The following LRBA variants were observed in gnomAD, a reference collection of about 807,000 sequenced individuals.
LRBA encodes the protein lipopolysaccharide-responsive and beige-like anchor protein.
LRBA carries 176 observed loss-of-function variants against 330.0 expected under a neutral mutation model. That is an observed-to-expected ratio of 0.53 (90% CI 0.47 to 0.60). The LOEUF (loss-of-function observed/expected upper bound fraction) is 0.60. Ranked by LOEUF, LRBA falls within the 20% of genes least tolerant of loss-of-function variation. The probability of loss-of-function intolerance (pLI) is 0.00; values close to 1 mark genes in which losing one functional copy is unlikely to be tolerated. For missense variants in LRBA, 3,259 were observed against 3,444.8 expected (o/e 0.95, Z 1.35); for synonymous variants, 1,230 against 1,193.0 (o/e 1.03, Z -0.64).
At chr4:150,704,428 C>T (rs1308594129) in intron 36 of LRBA, among the ~76,000 whole-genome samples, 1 of 151,480 alleles carries the variant, frequency 6.6e-6, no homozygotes, top group East Asian at 1.9e-4. Context: ...CTACAGTATT[C>T]TCCAGCTCAA....
At chr4:150,368,278 C>T (rs1358007258) in intron 47 of LRBA, among the ~76,000 whole-genome samples, 1 of 152,010 alleles carries the variant, frequency 6.6e-6, no homozygotes, top group African/African-American at 2.4e-5. Flanking sequence ...AGTGGTACTA[C>T]TTTAACACAA....
chr4:150,603,566 TCACTGCAGCCTCTAAC>T (rs1774330323), intron 37 of LRBA, among the ~76,000 whole-genome samples: 1 of 152,114 alleles, frequency 6.6e-6, no homozygotes, highest in Admixed American at 6.6e-5. Flanking sequence ...AGAACAAAGC[TCACTGCAGCCTCTAAC>T]TTTTGGGCTC....
intron 40 of LRBA, among the ~76,000 whole-genome samples, chr4:150,525,317 G>C (rs1763343674): frequency 6.6e-6 from 1 of 151,544 alleles, no homozygotes; most frequent in Non-Finnish European, 1.5e-5. Flanking sequence ...TGATTTCAGT[G>C]TTTTTCCATT....
intron 37 of LRBA, among the ~76,000 whole-genome samples, chr4:150,637,393 T>C (rs960539751): frequency 4.6e-5 from 7 of 152,198 alleles, no homozygotes; most frequent in Non-Finnish European, 5.9e-5. Flanking sequence ...TTTTTCAACA[T>C]TGTTTCGGCT....
intron 42 of LRBA, among the ~76,000 whole-genome samples, chr4:150,473,350 A>G (rs1756363675): frequency 6.6e-6 from 1 of 152,136 alleles, no homozygotes; most frequent in Admixed American, 6.5e-5. Flanking sequence ...CAACTCTGTG[A>G]TAGTTAATTT....
At chr4:150,697,238 T>C (rs1301281726) in intron 36 of LRBA, among the ~76,000 whole-genome samples, 8 of 138,590 alleles carry the variant, frequency 5.8e-5, no homozygotes, top group Non-Finnish European at 1.1e-4. Context: ...GGCAGAGAAG[T>C]GCTTGAACCC....
At chr4:150,329,252 T>C (rs1733686877) in intron 48 of LRBA, among the ~76,000 whole-genome samples, 1 of 152,232 alleles carries the variant, frequency 6.6e-6, no homozygotes, top group Non-Finnish European at 1.5e-5. Context: ...CAGTTCTTGA[T>C]ATTAAAAATG....
At chr4:150,896,546 C>A in intron 15 of LRBA, 90 bp from the exon 16 acceptor site, 2 of 670,890 alleles carry the variant, frequency 3.0e-6, no homozygotes, top group South Asian at 2.0e-5. Flanking sequence ...AGTTGGTCAG[C>A]TACTATAAAT....
intron 22 of LRBA, among the ~76,000 whole-genome samples, chr4:150,860,041 A>G (rs1408815327): frequency 2.6e-5 from 4 of 152,226 alleles, no homozygotes; most frequent in Non-Finnish European, 5.9e-5. Context: ...GCTTTATTAA[A>G]TAATGACTTG....
At position 150,433,731 on chromosome 4, in the gene LRBA, G is replaced by C. The variant is rs896756958; in HGVS notation, c.7041+1858C>G. ...AAGTAATTAAACAGCTTTGAGATTA[G>C]AGGTAAAATTTAACAAAATTATTAT... On this transcript the variant is annotated intron_variant, in intron 46 of 56. Coordinates refer to ENST00000651943, the MANE Select transcript of LRBA (RefSeq NM_001364905.1). 5.9e-5 allele frequency among the ~76,000 whole-genome samples: 9 copies of C among 152,148 alleles called. No homozygotes were observed. The South Asian group carries it at 1.9e-3, about 32-fold the overall frequency.
chr4:150,743,494 A>G (rs1732287096), intron 35 of LRBA, among the ~76,000 whole-genome samples: 1 of 152,258 alleles, frequency 6.6e-6, no homozygotes, highest in African/African-American at 2.4e-5. Flanking sequence ...ATTATGAACA[A>G]TATGAGCTTG....
At chr4:150,787,962 T>C (rs954846693) in intron 34 of LRBA, among the ~76,000 whole-genome samples, 1 of 152,232 alleles carries the variant, frequency 6.6e-6, no homozygotes, top group Non-Finnish European at 1.5e-5. Flanking sequence ...TACCCAGCAG[T>C]CAGATTGCTG....
intron 37 of LRBA, among the ~76,000 whole-genome samples, chr4:150,648,176 A>AAAAAAAAAAAAAAAAAAAAAAAAAAAG (rs1779372338): frequency 6.8e-6 from 1 of 146,706 alleles, no homozygotes; most frequent in Non-Finnish European, 1.5e-5. Flanking sequence ...AAAAAAAAAA[A>AAAAAAAAAAAAAAAAAAAAAAAAAAAG]ACTAGAAAAG....
At chr4:150,860,841 T>G (rs1463257960) in intron 22 of LRBA, among the ~76,000 whole-genome samples, 3 of 151,860 alleles carry the variant, frequency 2.0e-5, no homozygotes, top group African/African-American at 7.3e-5. Flanking sequence ...ATATATAAAC[T>G]AAACAAAACT....
chr4:150,967,315 C>T (rs573554385), intron 2 of LRBA, among the ~76,000 whole-genome samples: 76 of 152,296 alleles, frequency 5.0e-4, no homozygotes, highest in Non-Finnish European at 9.9e-4. Context: ...CGCAAAATGT[C>T]AAAAAGTCTC....
intron 47 of LRBA, among the ~76,000 whole-genome samples, chr4:150,366,180 G>T (rs185458129): frequency 1.5e-3 from 226 of 152,118 alleles, no homozygotes; most frequent in African/African-American, 5.2e-3. Flanking sequence ...AGGCTGTTTT[G>T]AGATTTTTTT....
intron 51 of LRBA, among the ~76,000 whole-genome samples, chr4:150,312,398 G>C (rs1731190059): frequency 6.6e-6 from 1 of 151,946 alleles, no homozygotes; most frequent in Non-Finnish European, 1.5e-5. Context: ...TCTACTGCTT[G>C]AAATTGATTT....
intron 2 of LRBA, among the ~76,000 whole-genome samples, chr4:150,962,396 T>G (rs1428667498): frequency 6.7e-6 from 1 of 149,148 alleles, no homozygotes; most frequent in Non-Finnish European, 1.5e-5. Context: ...TGCTCACCTA[T>G]GATCTCAGCT....
chr4:150,759,582 T>C (rs932192290), intron 35 of LRBA, among the ~76,000 whole-genome samples: 20 of 152,146 alleles, frequency 1.3e-4, no homozygotes, highest in Admixed American at 7.2e-4. Flanking sequence ...CATACCAACC[T>C]TTTTTACTTC....
Sources: allele counts gnomAD v4.1 joint callset (sites outside exome capture counted in the v4.1 genomes callset), GRCh38; gene constraint gnomAD v4.1.1; transcripts MANE v1.5; gene names NCBI Gene and HGNC (gene_info 2026-07-23, HGNC 2026-07-21).